Variants in TIAM2 observed in about 807,000 individuals in gnomAD.
The protein encoded by TIAM2 is TIAM Rac1 associated GEF 2, also known as rho guanine nucleotide exchange factor TIAM2.
TIAM2 carries 80 observed loss-of-function variants against 152.9 expected under a neutral mutation model. That is an observed-to-expected ratio of 0.52 (90% CI 0.44 to 0.63). TIAM2 has a LOEUF of 0.63. Among genes scored for constraint, TIAM2 ranks in the 30% least tolerant of loss-of-function variants. The pLI, the probability that TIAM2 is intolerant of heterozygous loss-of-function variation, is 0.00. For missense variants in TIAM2, 1,965 were observed against 2,120.1 expected, an observed-to-expected ratio of 0.93 and a Z score of 1.44; for synonymous variants, 804 against 838.0, an observed-to-expected ratio of 0.96 and a Z score of 0.70.
At chr6:155,190,775 G>A (rs545171620) in intron 14 of TIAM2, among the ~76,000 whole-genome samples, 1 of 152,188 alleles carries the variant, frequency 6.6e-6, no homozygotes, top group African/African-American at 2.4e-5. Flanking sequence ...CTGTGAAGCA[G>A]TAGTTCTATG....
At chr6:155,151,122 G>T (rs2115070777) in intron 7 of TIAM2, among the ~76,000 whole-genome samples, 1 of 152,324 alleles carries the variant, frequency 6.6e-6, no homozygotes, top group Non-Finnish European at 1.5e-5. Flanking sequence ...TGAGGCTGAA[G>T]CATTCAGTCA....
rs915090069 is a variant in TIAM2, at chr6:155,250,027, G to C, written c.3951+58G>C. 1.5e-5 allele frequency: 20 copies of C among 1,338,548 alleles called. No homozygotes were observed. In the Admixed American group the frequency reaches 1.7e-4, roughly 11 times the overall value. The allele number at this position is 1,338,548 out of a possible 1,614,324, so 82.9% of individuals were successfully genotyped here. A position where few individuals can be genotyped will look rare whatever the true frequency, so the allele number is the denominator to read the frequency against. ...TGCATGTGGTGTGGGGTCTGTAGGTGACCTTCTAGATAGGCTGCCCTGTTA... is the reference window on the plus strand; with the variant it reads ...TGCATGTGGTGTGGGGTCTGTAGGTCACCTTCTAGATAGGCTGCCCTGTTA... On this transcript the variant is annotated intron_variant, in intron 21 of 26. Coordinates refer to ENST00000682666, the MANE Select transcript of TIAM2 (RefSeq NM_012454.4).
chr6:155,127,800 T>C (rs1416371404), intron 3 of TIAM2, among the ~76,000 whole-genome samples, 200 bp downstream of exon 3: 1 of 152,206 alleles, frequency 6.6e-6, no homozygotes, highest in Non-Finnish European at 1.5e-5. Context: ...ATAAAAAGCC[T>C]ACTAAATATA....
At chr6:155,066,167 CAAAGGGCCTT>C (rs1476910333) in intron 1 of TIAM2, among the ~76,000 whole-genome samples, 29 of 40,144 alleles carry the variant, frequency 7.2e-4, no homozygotes, top group African/African-American at 1.9e-3. Context: ...TTCCTGTTCC[CAAAGGGCCTT>C]TGGCCTCCCA....
At chr6:155,175,230 T>G (rs1014343892) in intron 9 of TIAM2, among the ~76,000 whole-genome samples, 1 of 152,222 alleles carries the variant, frequency 6.6e-6, no homozygotes, top group African/African-American at 2.4e-5. Flanking sequence ...AATCCAGAAA[T>G]GTCACTTCAA....
chr6:155,178,216 A>G (rs1206573128), intron 10 of TIAM2, among the ~76,000 whole-genome samples: 1 of 150,052 alleles, frequency 6.7e-6, no homozygotes, highest in East Asian at 2.0e-4. Flanking sequence ...TGACCCAGTT[A>G]GAGCATAGGC....
intron 2 of TIAM2, among the ~76,000 whole-genome samples, chr6:155,109,259 C>T (rs960170077): frequency 4.6e-5 from 7 of 152,164 alleles, no homozygotes; most frequent in Non-Finnish European, 8.8e-5. Context: ...GCTGGGATTA[C>T]AGGTGTGAGC....
chr6:155,053,521 G>T (rs1034982035), intron 1 of TIAM2, among the ~76,000 whole-genome samples: 1 of 148,076 alleles, frequency 6.8e-6, no homozygotes, highest in Non-Finnish European at 1.5e-5. Flanking sequence ...GTCCAGGCTG[G>T]AGTGCAGTGT....
chr6:155,071,155 A>G (rs1481381669), intron 1 of TIAM2, among the ~76,000 whole-genome samples: 2 of 149,830 alleles, frequency 1.3e-5, no homozygotes, highest in African/African-American at 5.0e-5. Flanking sequence ...CTTAGGCAAC[A>G]GAAATGAGAC....
chr6:155,199,727 G>A (rs1385898555), intron 14 of TIAM2, among the ~76,000 whole-genome samples: 2 of 152,134 alleles, frequency 1.3e-5, no homozygotes, highest in African/African-American at 4.8e-5. Flanking sequence ...TTCCATTTTG[G>A]TTTTGCAGCC....
chr6:155,249,406 G>T (rs1783522583), intron 20 of TIAM2, among the ~76,000 whole-genome samples: 1 of 152,172 alleles, frequency 6.6e-6, no homozygotes, highest in Non-Finnish European at 1.5e-5. Context: ...TCAGGCTTGG[G>T]TTTGAAGCCT....
At chr6:155,201,449 A>G (rs1583246084) in intron 14 of TIAM2, among the ~76,000 whole-genome samples, 1 of 152,148 alleles carries the variant, frequency 6.6e-6, no homozygotes, top group East Asian at 1.9e-4. Flanking sequence ...TCCTCCCAGT[A>G]CTAGTGGGTG....
At chr6:155,029,448 G>T (rs28861387) in intron 1 of TIAM2, among the ~76,000 whole-genome samples, 1,958 of 29,040 alleles carry the variant, frequency 0.067, 416 homozygotes, top group Middle Eastern at 0.14. Flanking sequence ...TTATACTATA[G>T]TATATATTAT....
In TIAM2 at chr6:155,252,142, A is replaced by G. The variant is rs1783700413; in HGVS notation, c.4119+139A>G. On this transcript the variant is annotated intron_variant, in intron 23 of 26. Coordinates refer to ENST00000682666, the MANE Select transcript of TIAM2 (RefSeq NM_012454.4). ...CTCTGAGGGTAACTAACCCCATCAC[A>G]TACTGAGAGCGTTTCTGAGTCTCCC... 5 of 645,960 alleles carry G rather than the reference A, an allele frequency of 7.7e-6. No individual in the cohort carries two copies. The South Asian group carries it at 9.9e-5, about 13-fold the overall frequency. The allele number at this position is 645,960 out of a possible 1,614,324, so 40.0% of individuals were successfully genotyped here.
intron 2 of TIAM2, among the ~76,000 whole-genome samples, chr6:155,116,660 A>G (rs556048129): frequency 2.0e-5 from 3 of 152,166 alleles, no homozygotes; most frequent in Non-Finnish European, 2.9e-5. Context: ...GGCCTTTTAC[A>G]TCCATGCAGG....
At chr6:155,163,153 T>C (rs3792962) in intron 7 of TIAM2, among the ~76,000 whole-genome samples, 70,993 of 152,030 alleles carry the variant, frequency 0.47, 17,049 homozygotes, top group East Asian at 0.55. Context: ...AGGATCTGTC[T>C]GGGTGCTCAG....
Position 155,029,711 on chromosome 6 carries a change from A to G in TIAM2, c.-209+34219A>G, listed in dbSNP as rs1247653904. ...ACTATATATAGAGATATATAACTATATACAGAGTTATATAACTATATAGTA... is the reference window on the plus strand; with the variant it reads ...ACTATATATAGAGATATATAACTATGTACAGAGTTATATAACTATATAGTA... On this transcript the variant is annotated intron_variant, in intron 1 of 26. Coordinates refer to ENST00000682666, the MANE Select transcript of TIAM2 (RefSeq NM_012454.4). 2.1e-4 allele frequency among the ~76,000 whole-genome samples: 29 copies of G among 141,224 alleles called. 1 individual carries two copies. Among genetic ancestry groups the G allele is most frequent in the African/African-American group, 6.2e-4 (24 of 38,402 alleles). 92.6% of individuals were successfully genotyped at this position (141,224 alleles called of 152,430 possible).
chr6:155,211,940 G>A (rs1781732859), intron 15 of TIAM2, among the ~76,000 whole-genome samples: 1 of 151,814 alleles, frequency 6.6e-6, no homozygotes, highest in Non-Finnish European at 1.5e-5. Context: ...CAATTTCTAG[G>A]TGCCCCATAT....
chr6:155,189,217 T>G (rs777443860), intron 14 of TIAM2, among the ~76,000 whole-genome samples: 4 of 152,204 alleles, frequency 2.6e-5, no homozygotes, highest in African/African-American at 4.8e-5. Context: ...ATAGCCTGTT[T>G]AGGATGACTA....
Sources: gnomAD v4.1 joint callset for allele counts (sites outside exome capture counted in the v4.1 genomes callset) on GRCh38, gnomAD v4.1.1 for gene constraint, MANE v1.5 for transcripts, NCBI Gene and HGNC (gene_info 2026-07-23, HGNC 2026-07-21) for gene names.